The following ZFP14 variants were observed in gnomAD, a reference collection of about 807,000 sequenced individuals.
The protein encoded by ZFP14 is zinc finger protein 14 homolog.
A neutral mutation model predicts 54.5 loss-of-function variants in ZFP14; 22 were observed. The observed-to-expected ratio is 0.40, with a 90% CI of 0.29 to 0.58. ZFP14 has a LOEUF of 0.58. ZFP14 is among the 20% of genes least tolerant of loss of function. The pLI is 0.39. For synonymous variants in ZFP14, 159 were observed against 204.0 expected (o/e 0.78, Z 1.88); for missense variants, 470 against 637.8 (o/e 0.74, Z 2.83).
rs2031532582 is a variant in ZFP14 at position 36,351,940 on chromosome 19, T to C, written c.235+8495A>G. 2.1e-5 allele frequency among the ~76,000 whole-genome samples: 3 copies of C among 143,204 alleles called. 1 individual carries two copies. Among genetic ancestry groups the C allele is most frequent in the Non-Finnish European group, 4.7e-5 (3 of 64,464 alleles). The allele number at this position is 143,204 out of a possible 152,430, so 93.9% of individuals were successfully genotyped here. The stretch of plus-strand genomic sequence containing the variant: ...GGCTCACGCCTGTAATCCCAGCACT[T>C]TGGGAGGCCGAGGCGGGTGGATCAC... On this transcript the variant is annotated intron_variant, in intron 4 of 4. Coordinates refer to ENST00000270001, the MANE Select transcript of ZFP14 (RefSeq NM_020917.3).
Position 36,336,932 on chromosome 19 carries a change from T to C in ZFP14, c.*3292A>G, listed in dbSNP as rs1600061128. 1 of 149,236 alleles carries C rather than the reference T, an allele frequency of 6.7e-6. No homozygotes were observed. Among genetic ancestry groups the C allele is most frequent in the East Asian group, 2.0e-4 (1 of 5,110 alleles). The allele number at this position is 149,236 out of a possible 1,614,324, so 9.2% of individuals were successfully genotyped here. On this transcript the variant is annotated 3_prime_UTR_variant, in exon 5 of 5. Transcript: ENST00000270001. Reference sequence around the variant, plus strand: ...TTAAATTATCAACATGTTGCCAATTTAGTTTCCAGCTCTCTTTGCCAATTA... The same window carrying C: ...TTAAATTATCAACATGTTGCCAATTCAGTTTCCAGCTCTCTTTGCCAATTA...
At position 36,340,124 on chromosome 19, in the gene ZFP14, TA is replaced by T; in HGVS notation, c.*99del. 8.0e-7 allele frequency: 1 copy of T among 1,247,202 alleles called. No individual in the cohort carries two copies. Among genetic ancestry groups the T allele is most frequent in the Non-Finnish European group, 1.1e-6 (1 of 936,688 alleles). 77.3% of individuals were successfully genotyped at this position (1,247,202 alleles called of 1,614,324 possible). A position where few individuals can be genotyped will look rare whatever the true frequency, so the allele number is the denominator to read the frequency against. ...AAATCAACATATTCTTTCTCTAATA[TA>T]AAATTTATTATGCTTGGAATTGAGC... On this transcript the variant is annotated 3_prime_UTR_variant, in exon 5 of 5. Coordinates refer to ENST00000270001, the MANE Select transcript of ZFP14 (RefSeq NM_020917.3). This position sits in a 1 kb window ranked among gnomAD's most constrained non-coding sequence, Gnocchi z 5.4.
rs761536792 is a variant in ZFP14 at position 36,340,506 on chromosome 19, A to G, written c.1320T>C (p.Thr440=). Residue 440 remains threonine (T), a synonymous_variant, in exon 5 of 5, where the codon ACT becomes ACC. Coordinates refer to ENST00000270001, the MANE Select transcript of ZFP14 (RefSeq NM_020917.3). The surrounding 1 kb of genome is among the most constrained non-coding windows in gnomAD (Gnocchi z 5.4). ...GKAFRLLSQL[T]QHQSIHTGEK... ...CACCAGTGTGAATACTTTGATGCTGAGTAAGTTGTGAGAGCAGTCTAAAGG... is the reference window on the plus strand; with the variant it reads ...CACCAGTGTGAATACTTTGATGCTGGGTAAGTTGTGAGAGCAGTCTAAAGG... 2.5e-6 allele frequency: 4 copies of G among 1,613,786 alleles called. No homozygotes were observed. Among genetic ancestry groups the G allele is most frequent in the African/African-American group, 1.3e-5 (1 of 74,920 alleles).
chr19:36,354,732 C>T (rs1217927416), intron 4 of ZFP14, among the ~76,000 whole-genome samples: 2 of 142,914 alleles, frequency 1.4e-5, no homozygotes, highest in Admixed American at 7.2e-5. Flanking sequence ...AATGCAGCAG[C>T]GCGATCTCGG....
chr19:36,346,533 C>T (rs2031418685), intron 4 of ZFP14, among the ~76,000 whole-genome samples: 1 of 152,054 alleles, frequency 6.6e-6, no homozygotes. Flanking sequence ...TCTCAGCTCA[C>T]TGCAACCTCT....
At chr19:36,345,673 C>G (rs2031401424) in intron 4 of ZFP14, among the ~76,000 whole-genome samples, 1 of 152,116 alleles carries the variant, frequency 6.6e-6, no homozygotes, top group East Asian at 1.9e-4. Flanking sequence ...AGTTTGTGAT[C>G]ACTGCAAGAC....
Position 36,355,713 on chromosome 19 carries a change from G to C in ZFP14, c.235+4722C>G, listed in dbSNP as rs1313179617. ...AAAAAAGAAGAAAAAAAAAGGAAGAGAGTGACCTCTTTCTCTCTCTGTGTC... is the reference window on the plus strand; with the variant it reads ...AAAAAAGAAGAAAAAAAAAGGAAGACAGTGACCTCTTTCTCTCTCTGTGTC... On this transcript the variant is annotated intron_variant, in intron 4 of 4. Coordinates refer to ENST00000270001, the MANE Select transcript of ZFP14 (RefSeq NM_020917.3). 1.4e-5 allele frequency among the ~76,000 whole-genome samples: 2 copies of C among 140,442 alleles called. 1 individual carries two copies. Among genetic ancestry groups the C allele is most frequent in the African/African-American group, 5.2e-5 (2 of 38,328 alleles). The allele number at this position is 140,442 out of a possible 152,430, so 92.1% of individuals were successfully genotyped here. A position where few individuals can be genotyped will look rare whatever the true frequency, so the allele number is the denominator to read the frequency against.
At chr19:36,373,561 T>G (rs186983729) in intron 1 of ZFP14, among the ~76,000 whole-genome samples, 1 of 152,288 alleles carries the variant, frequency 6.6e-6, no homozygotes, top group East Asian at 1.9e-4. Context: ...AAATGGTAAC[T>G]ATGTAAAAGG....
intron 4 of ZFP14, among the ~76,000 whole-genome samples, chr19:36,357,732 G>T (rs894836427): frequency 1.3e-5 from 2 of 151,074 alleles, no homozygotes; most frequent in Non-Finnish European, 2.9e-5. Context: ...AATAAATCCT[G>T]AAGTTTTTGT....
chr19:36,357,119 T>G (rs933368417), intron 4 of ZFP14, among the ~76,000 whole-genome samples: 1 of 152,208 alleles, frequency 6.6e-6, no homozygotes, highest in African/African-American at 2.4e-5. Context: ...CTTGGCTCAC[T>G]GGAACCTCCA....
chr19:36,343,905 C>T (rs548158061), intron 4 of ZFP14, among the ~76,000 whole-genome samples: 40 of 152,328 alleles, frequency 2.6e-4, no homozygotes, highest in African/African-American at 8.9e-4. Context: ...GCCCTTGTGA[C>T]CCATTCACCC....
intron 2 of ZFP14, 116 bp from the exon 3 acceptor site, chr19:36,362,354 T>C: frequency 2.6e-6 from 3 of 1,146,786 alleles, no homozygotes; most frequent in Non-Finnish European, 2.4e-6. Context: ...GCAAACAGCA[T>C]TGGGCTGAAA....
chr19:36,365,286 C>A (rs779695186), intron 2 of ZFP14, among the ~76,000 whole-genome samples: 2 of 152,180 alleles, frequency 1.3e-5, no homozygotes, highest in Non-Finnish European at 2.9e-5. Flanking sequence ...AGTACACACA[C>A]AACATCTTTG....
rs1323764125 is a variant in ZFP14 at position 36,337,863 on chromosome 19, C to T, written c.*2361G>A. 6.6e-6 allele frequency: 1 copy of T among 152,110 alleles called. No individual in the cohort carries two copies. The highest frequency in any genetic ancestry group is 1.9e-4 in the East Asian group (1 of 5,194). The allele number at this position is 152,110 out of a possible 1,614,324, so 9.4% of individuals were successfully genotyped here. A position where few individuals can be genotyped will look rare whatever the true frequency, so the allele number is the denominator to read the frequency against. The stretch of plus-strand genomic sequence containing the variant: ...AAAAATCTCGCTATAAAATATTTCA[C>T]CTATTAGTTGTAGTACCCATTGAAG... On this transcript the variant is annotated 3_prime_UTR_variant, in exon 5 of 5. Coordinates refer to ENST00000270001, the MANE Select transcript of ZFP14 (RefSeq NM_020917.3).
rs765596255 is a variant in ZFP14, at chr19:36,341,227, T to G, written c.599A>C (p.Tyr200Ser). 6.2e-7 allele frequency: 1 copy of G among 1,614,224 alleles called. No homozygotes were observed. The change falls in exon 5 of 5, where the codon TAT becomes TCT. Residue 200 changes from tyrosine to serine, a missense_variant. Transcript: ENST00000270001. The surrounding 1 kb of genome is among the most constrained non-coding windows in gnomAD (Gnocchi z 4.2). The stretch of plus-strand genomic sequence containing the variant: ...GGCCTGCCCACATTCCTTACACTTA[T>G]AAGGTTTCTCACCAGTATGAATTCT... Reference protein sequence around the residue: ...HLRIHTGEKPYKCKECGQAFR... With the variant: ...HLRIHTGEKPSKCKECGQAFR...
intron 3 of ZFP14, among the ~76,000 whole-genome samples, chr19:36,361,764 A>G (rs2031715396): frequency 6.6e-6 from 1 of 152,220 alleles, no homozygotes. Context: ...TTTGATTTTT[A>G]GAGAAACTCA....
At chr19:36,371,114 A>T (rs949361619) in intron 1 of ZFP14, among the ~76,000 whole-genome samples, 1 of 152,066 alleles carries the variant, frequency 6.6e-6, no homozygotes, top group African/African-American at 2.4e-5. Flanking sequence ...ATACAAAAAA[A>T]TTAGGCGGGC....
chr19:36,378,982 G>A (rs987347328), intron 1 of ZFP14, 181 bp downstream of exon 1: 1 of 152,318 alleles, frequency 6.6e-6, no homozygotes, highest in Admixed American at 6.5e-5. Flanking sequence ...CTAACTCGGA[G>A]CCATTCCGGG....
At chr19:36,372,617 C>G (rs77174823) in intron 1 of ZFP14, among the ~76,000 whole-genome samples, 1 of 152,092 alleles carries the variant, frequency 6.6e-6, no homozygotes, top group Non-Finnish European at 1.5e-5. Context: ...TTTTGGGAAG[C>G]CAGTCATTAT....
Sources: allele counts gnomAD v4.1 joint callset (sites outside exome capture counted in the v4.1 genomes callset), GRCh38; gene constraint gnomAD v4.1.1; non-coding constraint Gnocchi (gnomAD v3.1); transcripts MANE v1.5; gene names NCBI Gene and HGNC (gene_info 2026-07-23, HGNC 2026-07-21).